The following MARCHF1 variants were observed in gnomAD, a reference collection of about 807,000 sequenced individuals.
The protein encoded by MARCHF1 is E3 ubiquitin-protein ligase MARCHF1.
MARCHF1 carries 40 observed loss-of-function variants against 54.2 expected under a neutral mutation model. The ratio of observed to expected loss-of-function variants is 0.74; its 90% confidence interval spans 0.57 to 0.96. MARCHF1 has a LOEUF of 0.96. MARCHF1 is among the 40% of genes least tolerant of loss of function. The probability of loss-of-function intolerance (pLI) is 0.00; values close to 1 mark genes in which losing one functional copy is unlikely to be tolerated. For synonymous variants in MARCHF1, 236 were observed against 236.3 expected, an observed-to-expected ratio of 1.00 and a Z score of 0.01; for missense variants, 586 against 656.5, an observed-to-expected ratio of 0.89 and a Z score of 1.17.
chr4:164,001,402 G>A (rs1753184152), intron 2 of MARCHF1, among the ~76,000 whole-genome samples: 1 of 151,740 alleles, frequency 6.6e-6, no homozygotes, highest in Admixed American at 6.6e-5. Flanking sequence ...TAAGAGACAA[G>A]ATAAATAGCA....
chr4:164,142,242 G>A (rs776328579), intron 1 of MARCHF1, among the ~76,000 whole-genome samples: 2 of 152,204 alleles, frequency 1.3e-5, no homozygotes, highest in Non-Finnish European at 2.9e-5. Flanking sequence ...GCCAGGCTTG[G>A]GGAGGGGCAC....
At chr4:163,700,406 G>C (rs1462683252) in intron 5 of MARCHF1, among the ~76,000 whole-genome samples, 1 of 152,018 alleles carries the variant, frequency 6.6e-6, no homozygotes, top group Non-Finnish European at 1.5e-5. Flanking sequence ...TCAGGAGGCT[G>C]AGGCAGGAGA....
chr4:163,653,948 T>C (rs978070968), intron 5 of MARCHF1, among the ~76,000 whole-genome samples: 32 of 151,740 alleles, frequency 2.1e-4, no homozygotes, highest in Non-Finnish European at 8.8e-5. Context: ...GAATTGAGTA[T>C]AGATAGGAAA....
At chr4:163,593,506 T>C (rs934290077) in intron 7 of MARCHF1, among the ~76,000 whole-genome samples, 1 of 152,228 alleles carries the variant, frequency 6.6e-6, no homozygotes, top group African/African-American at 2.4e-5. Context: ...TATGCAGTTA[T>C]AACCTTTTAG....
At chr4:164,282,190 C>T (rs1324520220) in intron 1 of MARCHF1, among the ~76,000 whole-genome samples, 1 of 150,844 alleles carries the variant, frequency 6.6e-6, no homozygotes, top group African/African-American at 2.4e-5. Flanking sequence ...TCAACTACTA[C>T]TTCTGTATCA....
At chr4:163,987,771 A>ATCCCTTTCT (rs1560849927) in intron 3 of MARCHF1, among the ~76,000 whole-genome samples, 1 of 152,224 alleles carries the variant, frequency 6.6e-6, no homozygotes. Context: ...GTTGAGTTCA[A>ATCCCTTTCT]TCCCTTTCTT....
chr4:163,910,050 T>G (rs1468407274), intron 3 of MARCHF1, among the ~76,000 whole-genome samples: 2 of 152,082 alleles, frequency 1.3e-5, no homozygotes, highest in Non-Finnish European at 2.9e-5. Context: ...GTTCTTAGTC[T>G]AGATGAGGAG....
chr4:164,301,137 G>A (rs907323908), intron 1 of MARCHF1, among the ~76,000 whole-genome samples: 15 of 152,058 alleles, frequency 9.9e-5, no homozygotes, highest in African/African-American at 3.1e-4. Context: ...TGGTGAAAAC[G>A]AGAGACATTT....
At chr4:164,165,338 G>T (rs1730345436) in intron 1 of MARCHF1, among the ~76,000 whole-genome samples, 1 of 145,716 alleles carries the variant, frequency 6.9e-6, no homozygotes. Flanking sequence ...TTTATAGGAA[G>T]AAACACAAGC....
At chr4:163,711,980 G>T (rs1437008624) in intron 4 of MARCHF1, among the ~76,000 whole-genome samples, 1 of 152,060 alleles carries the variant, frequency 6.6e-6, no homozygotes, top group Non-Finnish European at 1.5e-5. Context: ...TACTCTGGAG[G>T]TATAATCATA....
intron 2 of MARCHF1, among the ~76,000 whole-genome samples, chr4:164,097,310 A>G (rs1414774304): frequency 6.6e-6 from 1 of 152,192 alleles, no homozygotes; most frequent in Non-Finnish European, 1.5e-5. Flanking sequence ...ACTTCAGATG[A>G]CGTCACTAAT....
intron 8 of MARCHF1, chr4:163,583,544 A>G (rs1013219768): frequency 3.9e-5 from 6 of 152,082 alleles, no homozygotes; most frequent in Admixed American, 3.3e-4. Flanking sequence ...TTAATCAAAG[A>G]AGATATTTTT....
chr4:163,625,806 G>A (rs1437874835), intron 5 of MARCHF1, among the ~76,000 whole-genome samples: 1 of 152,184 alleles, frequency 6.6e-6, no homozygotes, highest in Non-Finnish European at 1.5e-5. Flanking sequence ...TTATTATGTG[G>A]AGAAGAGTAT....
chr4:163,654,206 T>C (rs957365045), intron 5 of MARCHF1, among the ~76,000 whole-genome samples: 1 of 151,696 alleles, frequency 6.6e-6, no homozygotes, highest in Non-Finnish European at 1.5e-5. Flanking sequence ...ACCTTGATCA[T>C]TGAAACATGA....
chr4:164,151,782 G>GC (rs953673516), intron 1 of MARCHF1, among the ~76,000 whole-genome samples: 54 of 151,724 alleles, frequency 3.6e-4, no homozygotes, highest in Non-Finnish European at 3.7e-4. Flanking sequence ...CTCAGCCCAC[G>GC]CCCCCCCCAA....
intron 8 of MARCHF1, 108 bp from the exon 9 acceptor site, chr4:163,545,851 T>G: frequency 1.1e-6 from 1 of 900,538 alleles, no homozygotes; most frequent in Admixed American, 2.1e-5. Flanking sequence ...AGTAAATATC[T>G]GCAATTTCAG....
intron 3 of MARCHF1, among the ~76,000 whole-genome samples, chr4:163,942,743 T>C (rs1751938407): frequency 6.6e-6 from 1 of 152,136 alleles, no homozygotes; most frequent in Non-Finnish European, 1.5e-5. Flanking sequence ...AAAGAACTGA[T>C]TACCTCCCCC....
In MARCHF1 at chr4:164,327,800, T is replaced by C. The variant is rs571153223; in HGVS notation, c.-323+56070A>G. Among the ~76,000 whole-genome samples, 287 of 152,328 alleles carry C rather than the reference T, an allele frequency of 1.9e-3. 3 individuals carry two copies. The highest frequency in any genetic ancestry group is 6.7e-3 in the African/African-American group (278 of 41,588). ...TTTGGGGAAACAAAGGAATTTACAA[T>C]AACTTTCCAGCTCGTGTAGTTTCCA... On this transcript the variant is annotated intron_variant, in intron 1 of 9. Coordinates refer to ENST00000514618, the MANE Select transcript of MARCHF1 (RefSeq NM_001394959.1).
intron 2 of MARCHF1, among the ~76,000 whole-genome samples, chr4:164,004,538 G>T (rs1579453820): frequency 6.6e-6 from 1 of 151,848 alleles, no homozygotes; most frequent in Non-Finnish European, 1.5e-5. Flanking sequence ...CTGCAGAATA[G>T]AAATTATTTT....
Sources: gnomAD v4.1 joint callset for allele counts (sites outside exome capture counted in the v4.1 genomes callset) on GRCh38, gnomAD v4.1.1 for gene constraint, MANE v1.5 for transcripts, NCBI Gene and HGNC (gene_info 2026-07-23, HGNC 2026-07-21) for gene names.